The following SPATA2 variants were observed in gnomAD, a reference collection of about 807,000 sequenced individuals.
SPATA2 encodes the protein spermatogenesis associated 2.
Under a neutral mutation model 35.4 loss-of-function variants are expected in SPATA2, and 8 were observed. That is an observed-to-expected ratio of 0.23 (90% CI 0.13 to 0.41). SPATA2 has a LOEUF of 0.41. SPATA2 is among the 10% of genes least tolerant of loss of function. The pLI is 1.00. For synonymous variants in SPATA2, 293 were observed against 300.9 expected (o/e 0.97, Z 0.27); for missense variants, 650 against 698.7 (o/e 0.93, Z 0.79).
intron 1 of SPATA2, among the ~76,000 whole-genome samples, chr20:49,914,386 C>A (rs933383048): frequency 1.3e-5 from 2 of 152,148 alleles, no homozygotes; most frequent in African/African-American, 4.8e-5. Context: ...CCTCTCTGCA[C>A]AGGCAGACCT....
In SPATA2 at chr20:49,908,283, C is replaced by T. The variant is rs2090160428; in HGVS notation, c.208G>A (p.Val70Met). 6.2e-7 allele frequency: 1 copy of T among 1,614,088 alleles called. No individual in the cohort carries two copies. Among genetic ancestry groups the T allele is most frequent in the East Asian group, 2.2e-5 (1 of 44,896 alleles). Residue 70 changes from valine to methionine, a missense_variant, in exon 2 of 3, where the codon GTG (valine) becomes ATG (methionine). Physicochemically the swap from Val to Met is conservative, Grantham distance 21. Coordinates refer to ENST00000289431, the MANE Select transcript of SPATA2 (RefSeq NM_006038.4). ...RFRLIQFYEVVESSLRSLSSS... is the reference protein window; with the variant it reads ...RFRLIQFYEVMESSLRSLSSS... ...CTGAGCGAGCGCAAGGAGCTCTCCACCACCTCATAGAACTGGATCAGCCGG... is the reference window on the plus strand; with the variant it reads ...CTGAGCGAGCGCAAGGAGCTCTCCATCACCTCATAGAACTGGATCAGCCGG...
intron 1 of SPATA2, among the ~76,000 whole-genome samples, chr20:49,911,546 A>C (rs2146835402): frequency 6.6e-6 from 1 of 152,230 alleles, no homozygotes; most frequent in South Asian, 2.1e-4. Flanking sequence ...ATGCGCCTGT[A>C]ATCACAGCTA....
At chr20:49,907,288 T>A (rs886965279) in intron 2 of SPATA2, among the ~76,000 whole-genome samples, 1 of 152,224 alleles carries the variant, frequency 6.6e-6, no homozygotes, top group Non-Finnish European at 1.5e-5. Flanking sequence ...CTCAAACTCC[T>A]GACCTCGTGA....
intron 1 of SPATA2, among the ~76,000 whole-genome samples, chr20:49,911,695 AAAGAG>A (rs1255003371): frequency 5.3e-4 from 81 of 152,020 alleles, no homozygotes; most frequent in South Asian, 1.5e-3. Context: ...AAGAAAAAGA[AAAGAG>A]AAAAAGAGAA....
At chr20:49,912,282 C>T (rs528213658) in intron 1 of SPATA2, among the ~76,000 whole-genome samples, 2 of 152,236 alleles carry the variant, frequency 1.3e-5, no homozygotes, top group South Asian at 2.1e-4. Context: ...AGCGAAACCC[C>T]GCCTCTACTA....
chr20:49,903,926 TATATA>T lies in SPATA2; in HGVS notation c.*1688_*1692del, dbSNP rs1568904477. ...AGATATATATATATATATATATATA[TATATA>T]TATATATATATATATATATATTAAA... On this transcript the variant is annotated 3_prime_UTR_variant, in exon 3 of 3. Coordinates refer to ENST00000289431, the MANE Select transcript of SPATA2 (RefSeq NM_006038.4). 7.8e-6 allele frequency: 1 copy of T among 127,626 alleles called. No homozygotes were observed. The highest frequency in any genetic ancestry group is 2.2e-4 in the East Asian group (1 of 4,650). 7.9% of individuals were successfully genotyped at this position (127,626 alleles called of 1,614,324 possible). A position where few individuals can be genotyped will look rare whatever the true frequency, so the allele number is the denominator to read the frequency against.
chr20:49,906,970 G>A lies in SPATA2; in HGVS notation c.337-125C>T. The A allele has an allele frequency of 9.5e-7, 1 of 1,056,878 alleles. No homozygotes were observed. The highest frequency in any genetic ancestry group is 1.4e-6 in the Non-Finnish European group (1 of 739,446). 65.5% of individuals were successfully genotyped at this position (1,056,878 alleles called of 1,614,324 possible). A position where few individuals can be genotyped will look rare whatever the true frequency, so the allele number is the denominator to read the frequency against. Reference sequence around the variant, plus strand: ...GGCGGGGAGAGGGCAGGGCAGGGAAGGATCTCGACAGCCTCACCCTGCGGG... The same window carrying A: ...GGCGGGGAGAGGGCAGGGCAGGGAAAGATCTCGACAGCCTCACCCTGCGGG... On this transcript the variant is annotated intron_variant, in intron 2 of 2. Coordinates refer to ENST00000289431, the MANE Select transcript of SPATA2 (RefSeq NM_006038.4). The surrounding 1 kb of genome is among the most constrained non-coding windows in gnomAD (Gnocchi z 8.2).
At position 49,905,440 on chromosome 20, in the gene SPATA2, T is replaced by G. The variant is rs2090134597; in HGVS notation, c.*179A>C. Reference sequence around the variant, plus strand: ...TGTCAGACAACAAAGCAGCCATTGGTTGAGATATCTGAGTCGCTAAGTGAA... The same window carrying G: ...TGTCAGACAACAAAGCAGCCATTGGGTGAGATATCTGAGTCGCTAAGTGAA... On this transcript the variant is annotated 3_prime_UTR_variant, in exon 3 of 3. Transcript: ENST00000289431. 1.1e-5 allele frequency: 7 copies of G among 625,660 alleles called. No individual in the cohort carries two copies. Among genetic ancestry groups the G allele is most frequent in the African/African-American group, 9.2e-5 (5 of 54,320 alleles). 38.8% of individuals were successfully genotyped at this position (625,660 alleles called of 1,614,324 possible).
intron 1 of SPATA2, among the ~76,000 whole-genome samples, chr20:49,911,621 C>T (rs552018336): frequency 1.5e-4 from 22 of 151,104 alleles, no homozygotes; most frequent in Admixed American, 5.9e-4. Flanking sequence ...GAGCCGAGAT[C>T]GCCCCATTGC....
chr20:49,913,311 G>A (rs554994207), intron 1 of SPATA2, among the ~76,000 whole-genome samples: 1 of 152,266 alleles, frequency 6.6e-6, no homozygotes, highest in Admixed American at 6.5e-5. Flanking sequence ...TTGCTGGGAG[G>A]CCCTTGATGC....
In SPATA2 at chr20:49,906,796, T is replaced by G. The variant is rs777448082; in HGVS notation, c.386A>C (p.Glu129Ala). ...VYYVKSTLLE[E>A]DIRAILSCMG... ...GCAGCTCAGGATGGCTCGGATGTCC[T>G]CTTCCAGTAATGTCGACTTGACATA... Residue 129 changes from glutamate to alanine, a missense_variant, in exon 3 of 3, where the codon GAG becomes GCG. Transcript: ENST00000289431. The surrounding 1 kb of genome is among the most constrained non-coding windows in gnomAD (Gnocchi z 8.2). 2 of 1,613,522 alleles carry G rather than the reference T, an allele frequency of 1.2e-6. No individual in the cohort carries two copies. Among genetic ancestry groups the G allele is most frequent in the East Asian group, 2.2e-5 (1 of 44,860 alleles).
At chr20:49,914,834 G>GC (rs1047503695) in intron 1 of SPATA2, among the ~76,000 whole-genome samples, 69 of 152,086 alleles carry the variant, frequency 4.5e-4, no homozygotes, top group Admixed American at 7.9e-4. Flanking sequence ...TCAAATTCTG[G>GC]CCCCCCCTAC....
At position 49,910,953 on chromosome 20, in the gene SPATA2, G is replaced by A. The variant is rs372229501; in HGVS notation, c.-102-2361C>T. On this transcript the variant is annotated intron_variant, in intron 1 of 2. Coordinates refer to ENST00000289431, the MANE Select transcript of SPATA2 (RefSeq NM_006038.4). Reference sequence around the variant, plus strand: ...TTAGGGGCCAGGTGCGGGGGCTCACGCCTGTAATCCCTAAACTTTGGAAGG... The same window carrying A: ...TTAGGGGCCAGGTGCGGGGGCTCACACCTGTAATCCCTAAACTTTGGAAGG... Among the ~76,000 whole-genome samples, 18 of 152,364 alleles carry A rather than the reference G, an allele frequency of 1.2e-4. 1 individual carries two copies. Among genetic ancestry groups the A allele is most frequent in the African/African-American group, 2.2e-4 (9 of 41,578 alleles).
intron 2 of SPATA2, among the ~76,000 whole-genome samples, chr20:49,907,861 G>C (rs567222545): frequency 7.3e-6 from 1 of 136,680 alleles, no homozygotes; most frequent in Non-Finnish European, 1.5e-5. Flanking sequence ...ATGCAAGCCA[G>C]ATCCCACACT....
At chr20:49,909,831 A>G (rs1292242252) in intron 1 of SPATA2, among the ~76,000 whole-genome samples, 2 of 152,196 alleles carry the variant, frequency 1.3e-5, no homozygotes, top group Non-Finnish European at 2.9e-5. Context: ...TTATACAAAG[A>G]GCCACGTGAA....
chr20:49,906,444 G>A lies in SPATA2; in HGVS notation c.738C>T (p.Arg246=), dbSNP rs559509391. The change falls in exon 3 of 3, where the codon CGC becomes CGT. Residue 246 remains arginine, a synonymous_variant. Coordinates refer to ENST00000289431, the MANE Select transcript of SPATA2 (RefSeq NM_006038.4). This position sits in a 1 kb window ranked among gnomAD's most constrained non-coding sequence, Gnocchi z 8.2. ...ERAAKDYYKP[R]VTKPSRSVDA... ...CCACTGACCTCGAGGGCTTGGTCACGCGGGGCTTGTAGTAGTCCTTGGCCG... is the reference window on the plus strand; with the variant it reads ...CCACTGACCTCGAGGGCTTGGTCACACGGGGCTTGTAGTAGTCCTTGGCCG... 1.0e-4 allele frequency: 167 copies of A among 1,612,010 alleles called. No homozygotes were observed. Among genetic ancestry groups the A allele is most frequent in the Non-Finnish European group, 1.3e-4 (159 of 1,179,990 alleles).
chr20:49,910,169 C>T (rs1485700730), intron 1 of SPATA2, among the ~76,000 whole-genome samples: 1 of 152,218 alleles, frequency 6.6e-6, no homozygotes, highest in Non-Finnish European at 1.5e-5. Flanking sequence ...ACAACACGCG[C>T]AGGGTCACGG....
At position 49,906,329 on chromosome 20, in the gene SPATA2, C is replaced by G. The variant is rs561055492; in HGVS notation, c.853G>C (p.Asp285His). Residue 285 changes from aspartate (D) to histidine (H), a missense_variant, in exon 3 of 3, where the codon GAC becomes CAC. Asp to His is a moderately conservative substitution (Grantham distance 81). Transcript: ENST00000289431. The surrounding 1 kb of genome is among the most constrained non-coding windows in gnomAD (Gnocchi z 8.2). ...CGGATGATCTCATCCTTGAGGTCGTCCCCCACATCCGTTGCCACAGGCTCC... is the reference window on the plus strand; with the variant it reads ...CGGATGATCTCATCCTTGAGGTCGTGCCCCACATCCGTTGCCACAGGCTCC... The part of the protein sequence containing the change: ...RKEPVATDVG[D>H]DLKDEIIRPS... The G allele has an allele frequency of 6.2e-7, 1 of 1,607,376 alleles. No individual in the cohort carries two copies. Among genetic ancestry groups the G allele is most frequent in the Non-Finnish European group, 8.5e-7 (1 of 1,175,938 alleles).
chr20:49,915,139 TG>T (rs2090202449), intron 1 of SPATA2, among the ~76,000 whole-genome samples: 1 of 152,162 alleles, frequency 6.6e-6, no homozygotes, highest in Non-Finnish European at 1.5e-5. Flanking sequence ...GTGTTCCTCT[TG>T]GGCGGCCCTG....
Sources: allele counts gnomAD v4.1 joint callset (sites outside exome capture counted in the v4.1 genomes callset), GRCh38; gene constraint gnomAD v4.1.1; non-coding constraint Gnocchi (gnomAD v3.1); transcripts MANE v1.5; gene names NCBI Gene and HGNC (gene_info 2026-07-23, HGNC 2026-07-21).